TMEM106B: variants seen among roughly 807,000 people sequenced by gnomAD.
TMEM106B encodes transmembrane protein 106B.
In TMEM106B, 15 loss-of-function variants were observed where a neutral mutation model predicts 31.1. The observed-to-expected ratio is 0.48, with a 90% CI of 0.32 to 0.74. The LOEUF (loss-of-function observed/expected upper bound fraction) is 0.74. Ranked by LOEUF, TMEM106B falls within the 30% of genes least tolerant of loss-of-function variation. The pLI, the probability that TMEM106B is intolerant of heterozygous loss-of-function variation, is 0.03. For missense variants in TMEM106B, 283 were observed against 327.3 expected (o/e 0.86, Z 1.04); for synonymous variants, 126 against 112.5 (o/e 1.12, Z -0.76).
intron 1 of TMEM106B, among the ~76,000 whole-genome samples, chr7:12,211,777 TG>T (rs1781583123): frequency 6.6e-6 from 1 of 152,240 alleles, no homozygotes; most frequent in Admixed American, 6.5e-5. Flanking sequence ...GTGTTGTTTA[TG>T]GAGCTTTTCA....
chr7:12,214,913 G>T lies in TMEM106B; in HGVS notation c.103G>T (p.Val35Phe). The change falls in exon 2 of 8, where the codon GTC (valine) becomes TTC (phenylalanine). Residue 35 changes from valine to phenylalanine, a missense_variant. Val to Phe is a conservative substitution (Grantham distance 50). Coordinates refer to ENST00000396668, the MANE Select transcript of TMEM106B (RefSeq NM_001134232.2). ...NMRNGLVNSE[V>F]HNEDGRNGDV... ...GAGGAATGGACTGGTTAATAGTGAA[G>T]TCCATAATGAAGATGGAAGAAATGG... 6.2e-7 allele frequency: 1 copy of T among 1,614,072 alleles called. No homozygotes were observed. Among genetic ancestry groups the T allele is most frequent in the Non-Finnish European group, 8.5e-7 (1 of 1,179,952 alleles).
rs117506523 is a variant in TMEM106B, at chr7:12,212,175, G to T, written c.-3+750G>T. ...AGCTATTAGATTAGGACAGAAAACA[G>T]GCTCAAACGGAGAGCCACTTGAGTC... On this transcript the variant is annotated intron_variant, in intron 1 of 7. Transcript: ENST00000396668. 9.3e-4 allele frequency among the ~76,000 whole-genome samples: 141 copies of T among 152,284 alleles called. No homozygotes were observed. The East Asian group carries it at 0.025, about 27-fold the overall frequency.
intron 2 of TMEM106B, chr7:12,215,623 T>C (rs1360967486): frequency 2.6e-6 from 1 of 384,524 alleles, no homozygotes; most frequent in Non-Finnish European, 5.5e-6. Context: ...TCCCCATGTT[T>C]CCCAGGATGA....
intron 2 of TMEM106B, 79 bp from the exon 3 acceptor site, chr7:12,218,379 C>A (rs1781728118): frequency 1.6e-6 from 2 of 1,255,706 alleles, no homozygotes; most frequent in Non-Finnish European, 2.3e-6. Flanking sequence ...TCTGGTCTTT[C>A]CAAACCAGAT....
chr7:12,233,138 T>A lies in TMEM106B; in HGVS notation c.*1163T>A, dbSNP rs1051479144. ...ATGATGCCTCTAGTAGTTACTTTTTTATAGTTTTCTACTTTTGGTTTTATT... is the reference window on the plus strand; with the variant it reads ...ATGATGCCTCTAGTAGTTACTTTTTAATAGTTTTCTACTTTTGGTTTTATT... On this transcript the variant is annotated 3_prime_UTR_variant, in exon 8 of 8. Transcript: ENST00000396668. 5.3e-5 allele frequency: 8 copies of A among 151,892 alleles called. No individual in the cohort carries two copies. The highest frequency in any genetic ancestry group is 1.0e-4 in the Non-Finnish European group (7 of 67,728). The allele number at this position is 151,892 out of a possible 1,614,324, so 9.4% of individuals were successfully genotyped here.
At chr7:12,216,896 A>G (rs1006658790) in intron 2 of TMEM106B, among the ~76,000 whole-genome samples, 4 of 152,152 alleles carry the variant, frequency 2.6e-5, no homozygotes, top group African/African-American at 7.2e-5. Context: ...GACGTGTAGC[A>G]TGTATAGAGT....
chr7:12,235,715 AATAATT>A lies in TMEM106B; in HGVS notation c.*3744_*3749del, dbSNP rs549609678. On this transcript the variant is annotated 3_prime_UTR_variant, in exon 8 of 8. Transcript: ENST00000396668. ...TCTTAGAATAAACAGTTCTTTATAT[AATAATT>A]ATATTTTATTTAAGAAAATAGTTTG... 31 of 151,896 alleles carry A rather than the reference AATAATT, an allele frequency of 2.0e-4. No individual in the cohort carries two copies. The highest frequency in any genetic ancestry group is 7.0e-4 in the African/African-American group (29 of 41,546). 9.4% of individuals were successfully genotyped at this position (151,896 alleles called of 1,614,324 possible).
Position 12,216,204 on chromosome 7 carries a change from G to A in TMEM106B, c.217+1177G>A, listed in dbSNP as rs924636650. On this transcript the variant is annotated intron_variant, in intron 2 of 7. Coordinates refer to ENST00000396668, the MANE Select transcript of TMEM106B (RefSeq NM_001134232.2). ...GAAGGGATTAATGCACCAGGCTCAG[G>A]GGGTAGGGGAGTACTGTTTTAGCAG... Among the ~76,000 whole-genome samples, 14 of 152,180 alleles carry A rather than the reference G, an allele frequency of 9.2e-5. No homozygotes were observed. The East Asian group carries it at 2.7e-3, about 29-fold the overall frequency.
chr7:12,212,579 T>C (rs1781602263), intron 1 of TMEM106B, among the ~76,000 whole-genome samples: 1 of 152,176 alleles, frequency 6.6e-6, no homozygotes, highest in African/African-American at 2.4e-5. Context: ...TTTATTTGAG[T>C]GACAGCAACA....
rs1782073912 is a variant in TMEM106B, at chr7:12,233,690, A to G, written c.*1715A>G. ...CTTTCTAGTATTTAAAAAAAAAAAAATCATTTTCATTTTTCTTCTGCTACG... is the reference window on the plus strand; with the variant it reads ...CTTTCTAGTATTTAAAAAAAAAAAAGTCATTTTCATTTTTCTTCTGCTACG... On this transcript the variant is annotated 3_prime_UTR_variant, in exon 8 of 8. Coordinates refer to ENST00000396668, the MANE Select transcript of TMEM106B (RefSeq NM_001134232.2). The G allele has an allele frequency of 6.6e-6, 1 of 151,142 alleles. No individual in the cohort carries two copies. The highest frequency in any genetic ancestry group is 2.4e-5 in the African/African-American group (1 of 41,264). 9.4% of individuals were successfully genotyped at this position (151,142 alleles called of 1,614,324 possible).
chr7:12,221,844 G>A (rs1174034376), intron 3 of TMEM106B, among the ~76,000 whole-genome samples: 1 of 152,174 alleles, frequency 6.6e-6, no homozygotes, highest in African/African-American at 2.4e-5. Flanking sequence ...GCCTGCAGCT[G>A]TGTCCTGATC....
intron 3 of TMEM106B, among the ~76,000 whole-genome samples, chr7:12,219,712 A>C (rs1781751142): frequency 6.6e-6 from 1 of 152,174 alleles, no homozygotes; most frequent in African/African-American, 2.4e-5. Flanking sequence ...ACAAAACTGG[A>C]AGAACACAAG....
Position 12,240,857 on chromosome 7 carries a change from A to T in TMEM106B, c.*8882A>T, listed in dbSNP as rs1048944721. 3.3e-5 allele frequency: 5 copies of T among 152,186 alleles called. No homozygotes were observed. Among genetic ancestry groups the T allele is most frequent in the Non-Finnish European group, 7.3e-5 (5 of 68,038 alleles). The allele number at this position is 152,186 out of a possible 1,614,324, so 9.4% of individuals were successfully genotyped here. On this transcript the variant is annotated 3_prime_UTR_variant, in exon 8 of 8. Coordinates refer to ENST00000396668, the MANE Select transcript of TMEM106B (RefSeq NM_001134232.2). Reference sequence around the variant, plus strand: ...CTGCTCACCTTTCCAGGGACCCCTGAACATTGGCCTAGAGGGTAGTGTACA... The same window carrying T: ...CTGCTCACCTTTCCAGGGACCCCTGTACATTGGCCTAGAGGGTAGTGTACA...
chr7:12,215,119 A>G (rs1781661237), intron 2 of TMEM106B, 92 bp downstream of exon 2: 3 of 1,025,982 alleles, frequency 2.9e-6, no homozygotes, highest in Non-Finnish European at 4.3e-6. Context: ...CACCTGTTTT[A>G]GAGGACTCTT....
intron 4 of TMEM106B, among the ~76,000 whole-genome samples, chr7:12,225,535 T>G (rs548057896): frequency 6.6e-6 from 1 of 152,316 alleles, no homozygotes; most frequent in South Asian, 2.1e-4. Flanking sequence ...CATCTGTTGT[T>G]TCCTGAACTT....
At position 12,236,101 on chromosome 7, in the gene TMEM106B, T is replaced by A. The variant is rs1782129993; in HGVS notation, c.*4126T>A. 2 of 152,014 alleles carry A rather than the reference T, an allele frequency of 1.3e-5. No individual in the cohort carries two copies. Among genetic ancestry groups the A allele is most frequent in the African/African-American group, 4.8e-5 (2 of 41,452 alleles). 9.4% of individuals were successfully genotyped at this position (152,014 alleles called of 1,614,324 possible). On this transcript the variant is annotated 3_prime_UTR_variant, in exon 8 of 8. Coordinates refer to ENST00000396668, the MANE Select transcript of TMEM106B (RefSeq NM_001134232.2). ...ACATTACAACAATATATTTATGATG[T>A]GTTCAGATCAAAAATTTAACTTCTG... is the stretch of plus-strand genomic sequence containing the variant.
At position 12,240,636 on chromosome 7, in the gene TMEM106B, C is replaced by T. The variant is rs1202352601; in HGVS notation, c.*8661C>T. ...AATGTGCTCCTCCTAGCCAGTTTCT[C>T]AAGGGAGAAGAATCATTAATAAGTT... is the stretch of plus-strand genomic sequence containing the variant. On this transcript the variant is annotated 3_prime_UTR_variant, in exon 8 of 8. Coordinates refer to ENST00000396668, the MANE Select transcript of TMEM106B (RefSeq NM_001134232.2). The T allele has an allele frequency of 1.3e-5, 2 of 149,518 alleles. No homozygotes were observed. The highest frequency in any genetic ancestry group is 4.9e-5 in the African/African-American group (2 of 40,744). 9.3% of individuals were successfully genotyped at this position (149,518 alleles called of 1,614,324 possible).
At chr7:12,211,947 A>G (rs1369948767) in intron 1 of TMEM106B, among the ~76,000 whole-genome samples, 5 of 152,216 alleles carry the variant, frequency 3.3e-5, no homozygotes, top group East Asian at 3.9e-4. Context: ...AGGAACCGCT[A>G]TAATAAATAA....
chr7:12,228,267 C>T (rs943650199), intron 4 of TMEM106B, among the ~76,000 whole-genome samples: 1 of 151,672 alleles, frequency 6.6e-6, no homozygotes, highest in Non-Finnish European at 1.5e-5. Flanking sequence ...ACTATTTTCT[C>T]TCCTTCAACT....
Sources: gnomAD v4.1 joint callset for allele counts (sites outside exome capture counted in the v4.1 genomes callset) on GRCh38, gnomAD v4.1.1 for gene constraint, MANE v1.5 for transcripts, NCBI Gene and HGNC (gene_info 2026-07-23, HGNC 2026-07-21) for gene names.